The following PALLD variants were observed in gnomAD, a reference collection of about 807,000 sequenced individuals.
PALLD encodes palladin, cytoskeletal associated protein, also known as palladin.
Under a neutral mutation model 123.5 loss-of-function variants are expected in PALLD, and 61 were observed. The observed-to-expected ratio is 0.49, with a 90% confidence interval of 0.40 to 0.61. PALLD has a LOEUF of 0.61. PALLD is among the 20% of genes least tolerant of loss of function. The probability of loss-of-function intolerance (pLI) is 0.00; values close to 1 mark genes in which losing one functional copy is unlikely to be tolerated. For missense variants in PALLD, 1,273 were observed against 1,377.0 expected (o/e 0.92, Z 1.20); for synonymous variants, 465 against 496.4 (o/e 0.94, Z 0.84).
intron 2 of PALLD, among the ~76,000 whole-genome samples, chr4:168,532,208 C>A (rs753065230): frequency 6.6e-6 from 1 of 152,136 alleles, no homozygotes; most frequent in Non-Finnish European, 1.5e-5. Context: ...TGCTCCTGTG[C>A]AAGTTTGCTA....
intron 10 of PALLD, among the ~76,000 whole-genome samples, chr4:168,771,138 A>G (rs935824554): frequency 6.6e-6 from 1 of 151,972 alleles, no homozygotes; most frequent in East Asian, 1.9e-4. Context: ...AAAGGTCTCA[A>G]TGTTCTTATC....
intron 3 of PALLD, among the ~76,000 whole-genome samples, chr4:168,679,668 C>T (rs1781350731): frequency 6.6e-6 from 1 of 151,686 alleles, no homozygotes; most frequent in South Asian, 2.1e-4. Flanking sequence ...CTTGGAAGTC[C>T]AAGAAGTTCT....
chr4:168,918,179 C>A (rs1378129896), intron 17 of PALLD, among the ~76,000 whole-genome samples: 1 of 150,136 alleles, frequency 6.7e-6, no homozygotes, highest in East Asian at 1.9e-4. Context: ...CAAGACTCCC[C>A]GTCTCCCCCA....
At chr4:168,923,483 C>T (rs1761980509) in intron 18 of PALLD, among the ~76,000 whole-genome samples, 1 of 152,022 alleles carries the variant, frequency 6.6e-6, no homozygotes, top group South Asian at 2.1e-4. Context: ...TACTTTCCAC[C>T]ACTACTACAA....
chr4:168,894,817 C>A, intron 12 of PALLD, 140 bp downstream of exon 12: 2 of 1,397,332 alleles, frequency 1.4e-6, no homozygotes, highest in South Asian at 1.3e-5. Context: ...TATCATCAGT[C>A]AACCTCACAG....
chr4:168,835,762 G>C (rs1025436473), intron 10 of PALLD, among the ~76,000 whole-genome samples: 1 of 152,078 alleles, frequency 6.6e-6, no homozygotes, highest in Non-Finnish European at 1.5e-5. Context: ...GCAGTGGCAT[G>C]ATCTGGGCTC....
intron 8 of PALLD, among the ~76,000 whole-genome samples, chr4:168,697,480 T>C (rs1414457198): frequency 6.6e-6 from 1 of 152,190 alleles, no homozygotes. Context: ...CTTTCATCAT[T>C]AGGAGGTTCA....
intron 2 of PALLD, among the ~76,000 whole-genome samples, chr4:168,595,957 A>G (rs1445109257): frequency 6.6e-6 from 1 of 152,054 alleles, no homozygotes; most frequent in Non-Finnish European, 1.5e-5. Context: ...AAAAAAAAAA[A>G]AAACAGAATA....
intron 5 of PALLD, among the ~76,000 whole-genome samples, chr4:168,684,757 C>T (rs1364778769): frequency 2.0e-5 from 3 of 152,180 alleles, no homozygotes; most frequent in Admixed American, 6.5e-5. Context: ...GCATCTCTAC[C>T]GCTCTGCCAC....
At chr4:168,759,196 A>C (rs1240422457) in intron 10 of PALLD, among the ~76,000 whole-genome samples, 1 of 37,058 alleles carries the variant, frequency 2.7e-5, no homozygotes, top group Non-Finnish European at 5.1e-5. Context: ...AAAAAAAAAA[A>C]AAAAAAATAT....
At chr4:168,914,072 A>G (rs377661246) in intron 16 of PALLD, 51 bp downstream of exon 16, 3 of 1,065,766 alleles carry the variant, frequency 2.8e-6, no homozygotes, top group East Asian at 2.5e-5. Context: ...ATTTATTACT[A>G]TAAATGTAGT....
intron 2 of PALLD, among the ~76,000 whole-genome samples, chr4:168,637,768 AC>A (rs1776491643): frequency 6.6e-6 from 1 of 152,044 alleles, no homozygotes. Context: ...GCATGGCGAA[AC>A]CCCATCTGTA....
chr4:168,600,252 A>AT (rs946473532), intron 2 of PALLD, among the ~76,000 whole-genome samples: 9 of 152,126 alleles, frequency 5.9e-5, no homozygotes, highest in African/African-American at 2.2e-4. Context: ...ATTTATACAG[A>AT]TTTTTCAACA....
chr4:168,748,853 G>T (rs1377365261), intron 10 of PALLD, among the ~76,000 whole-genome samples: 1 of 152,172 alleles, frequency 6.6e-6, no homozygotes, highest in Non-Finnish European at 1.5e-5. Context: ...GTGGCAATTT[G>T]CTGCTTCTTC....
intron 8 of PALLD, among the ~76,000 whole-genome samples, chr4:168,693,079 G>A (rs35357241): frequency 0.29 from 41,368 of 144,134 alleles, 7,001 homozygotes; most frequent in Non-Finnish European, 0.38. Context: ...TCCTACATAC[G>A]CTCCTTCTGT....
chr4:168,520,309 G>T (rs1473231066), intron 2 of PALLD, among the ~76,000 whole-genome samples: 1 of 127,952 alleles, frequency 7.8e-6, no homozygotes, highest in Non-Finnish European at 1.6e-5. Context: ...CTGGGTGACA[G>T]AGCGAAGATT....
At position 168,709,006 on chromosome 4, in the gene PALLD, A is replaced by T. The variant is rs137897626; in HGVS notation, c.1502-22A>T. 2.5e-5 allele frequency: 40 copies of T among 1,612,312 alleles called. No homozygotes were observed. The African/African-American group carries it at 4.8e-4, about 19-fold the overall frequency. ...CTTCATGGTTCAACTCTGATGAATG[A>T]TTCTGTTCTCTTCACTTCCAGAGGA... On this transcript the variant is annotated intron_variant, in intron 8 of 21. Transcript: ENST00000505667.
intron 3 of PALLD, among the ~76,000 whole-genome samples, chr4:168,674,353 T>C (rs564241493): frequency 6.6e-6 from 1 of 152,064 alleles, no homozygotes; most frequent in African/African-American, 2.4e-5. Context: ...AGATGGTAAC[T>C]AAAGCTGTGG....
chr4:168,550,462 G>A (rs183652860), intron 2 of PALLD, among the ~76,000 whole-genome samples: 1 of 152,238 alleles, frequency 6.6e-6, no homozygotes, highest in Admixed American at 6.5e-5. Context: ...GACTCACAGG[G>A]AAAGCCAAAT....
Sources: allele counts gnomAD v4.1 joint callset (sites outside exome capture counted in the v4.1 genomes callset), GRCh38; gene constraint gnomAD v4.1.1; transcripts MANE v1.5; gene names NCBI Gene and HGNC (gene_info 2026-07-23, HGNC 2026-07-21).